Variants in STIM1 observed in about 807,000 individuals in gnomAD.
STIM1 encodes the protein stromal interaction molecule 1.
A neutral mutation model predicts 74.7 loss-of-function variants in STIM1; 25 were observed. The observed-to-expected ratio is 0.33, with a 90% CI of 0.24 to 0.47. STIM1 has a LOEUF of 0.47. Ranked by LOEUF, STIM1 falls within the 20% of genes least tolerant of loss-of-function variation. The pLI, the probability that STIM1 is intolerant of heterozygous loss-of-function variation, is 1.00. For missense variants in STIM1, 728 were observed against 920.8 expected, an observed-to-expected ratio of 0.79 and a Z score of 2.71; for synonymous variants, 328 against 348.8, an observed-to-expected ratio of 0.94 and a Z score of 0.66.
At chr11:3,917,394 CTT>C (rs1162006738) in intron 1 of STIM1, among the ~76,000 whole-genome samples, 1 of 150,156 alleles carries the variant, frequency 6.7e-6, no homozygotes, top group Non-Finnish European at 1.5e-5. Context: ...ACCTTAATGT[CTT>C]TGATTACAAA....
At chr11:3,921,612 T>C (rs1356209479) in intron 1 of STIM1, among the ~76,000 whole-genome samples, 1 of 152,218 alleles carries the variant, frequency 6.6e-6, no homozygotes, top group African/African-American at 2.4e-5. Context: ...TTTTAAAATA[T>C]GTCCACAAAT....
At chr11:3,886,435 T>C (rs2091705946) in intron 1 of STIM1, among the ~76,000 whole-genome samples, 1 of 152,132 alleles carries the variant, frequency 6.6e-6, no homozygotes, top group Admixed American at 6.5e-5. Flanking sequence ...ACGCCTGTCA[T>C]CCCAGCACTT....
At chr11:3,958,295 G>A (rs890630844) in intron 1 of STIM1, among the ~76,000 whole-genome samples, 2 of 152,066 alleles carry the variant, frequency 1.3e-5, no homozygotes, top group Non-Finnish European at 2.9e-5. Context: ...GATTGCTTGA[G>A]CCAGGAGTTT....
At chr11:3,900,340 C>G (rs968583173) in intron 1 of STIM1, among the ~76,000 whole-genome samples, 2 of 152,292 alleles carry the variant, frequency 1.3e-5, no homozygotes, top group African/African-American at 4.8e-5. Context: ...CGTCTGTCGT[C>G]CCTTTCTTTG....
intron 2 of STIM1, among the ~76,000 whole-genome samples, chr11:3,998,839 G>A (rs2093685577): frequency 6.6e-6 from 1 of 152,108 alleles, no homozygotes; most frequent in South Asian, 2.1e-4. Context: ...AAAATCTTGG[G>A]GGTATAAAAG....
intron 2 of STIM1, among the ~76,000 whole-genome samples, chr11:4,010,727 T>A (rs1332829822): frequency 2.0e-5 from 3 of 152,142 alleles, no homozygotes; most frequent in Non-Finnish European, 2.9e-5. Context: ...TTCTTTTTTT[T>A]ATTATTATAT....
Position 4,070,104 on chromosome 11 carries a change from A to G in STIM1, c.692A>G (p.Tyr231Cys), listed in dbSNP as rs765230033. The change falls in exon 6 of 13, where the codon TAT (tyrosine) becomes TGT (cysteine). Residue 231 changes from tyrosine (Y) to cysteine (C), a missense_variant. Physicochemically the swap from Tyr to Cys is radical, Grantham distance 194 (BLOSUM62 -2). Transcript: ENST00000526596. ...GGTGTGGGCGGCTGCTGGTTTGCCTATATCCAGAACCGTTACTCCAAGGAG... is the reference window on the plus strand; with the variant it reads ...GGTGTGGGCGGCTGCTGGTTTGCCTGTATCCAGAACCGTTACTCCAAGGAG... ...VIGVGGCWFAYIQNRYSKEHM... is the reference protein window; with the variant it reads ...VIGVGGCWFACIQNRYSKEHM... 2.5e-6 allele frequency: 4 copies of G among 1,614,176 alleles called. No homozygotes were observed. The highest frequency in any genetic ancestry group is 2.2e-5 in the East Asian group (1 of 44,874).
At chr11:4,033,708 G>A (rs111630717) in intron 3 of STIM1, among the ~76,000 whole-genome samples, 8,408 of 151,308 alleles carry the variant, frequency 0.056, 742 homozygotes, top group African/African-American at 0.19. Context: ...CCATTCTCCC[G>A]CCTCAGCCTC....
chr11:4,050,908 C>G (rs1312091518), intron 3 of STIM1, among the ~76,000 whole-genome samples: 3 of 151,942 alleles, frequency 2.0e-5, no homozygotes, highest in South Asian at 2.1e-4. Context: ...AATATATTTA[C>G]TGTTTATTAA....
intron 10 of STIM1, 151 bp downstream of exon 10, chr11:4,083,649 C>T: frequency 1.4e-6 from 1 of 739,304 alleles, no homozygotes; most frequent in Non-Finnish European, 2.3e-6. Context: ...ACAATTTACT[C>T]AGGTTATTTC....
chr11:3,967,134 T>G (rs1273074993), intron 1 of STIM1, among the ~76,000 whole-genome samples: 1 of 152,240 alleles, frequency 6.6e-6, no homozygotes, highest in East Asian at 1.9e-4. Context: ...AGAAAGATTA[T>G]GTTGATTTAC....
intron 2 of STIM1, among the ~76,000 whole-genome samples, chr11:4,020,595 T>C (rs1471627281): frequency 6.6e-6 from 1 of 152,046 alleles, no homozygotes; most frequent in Admixed American, 6.6e-5. Context: ...CTTTTTTTTT[T>C]CTTTTTTCTC....
At chr11:3,895,739 TCTTTCTTCCTTCCTTCCTTC>T (rs1370001137) in intron 1 of STIM1, among the ~76,000 whole-genome samples, 1 of 33,568 alleles carries the variant, frequency 3.0e-5, no homozygotes, top group African/African-American at 2.0e-4. Flanking sequence ...TCTTTCTTTT[TCTTTCTTCCTTCCTTCCTTC>T]CTTCCTTCCT....
rs1170570846 is a variant in STIM1 at position 3,856,097 on chromosome 11, TG to T, written c.-172del. ...CCAGCCCTCCTCCCGCACCCAAACTTGGAGCACTTGACCTTTGGCTGTTGGA... is the reference window on the plus strand; with the variant it reads ...CCAGCCCTCCTCCCGCACCCAAACTTGAGCACTTGACCTTTGGCTGTTGGA... On this transcript the variant is annotated 5_prime_UTR_variant, in exon 1 of 13. Coordinates refer to ENST00000526596, the MANE Select transcript of STIM1 (RefSeq NM_001382567.1). 2 of 766,864 alleles carry T rather than the reference TG, an allele frequency of 2.6e-6. No homozygotes were observed. Among genetic ancestry groups the T allele is most frequent in the Non-Finnish European group, 4.3e-6 (2 of 467,438 alleles). The allele number at this position is 766,864 out of a possible 1,614,324, so 47.5% of individuals were successfully genotyped here.
intron 1 of STIM1, among the ~76,000 whole-genome samples, chr11:3,961,719 A>T (rs1015878386): frequency 1.3e-5 from 2 of 152,072 alleles, no homozygotes; most frequent in African/African-American, 4.8e-5. Context: ...CATGTTGGTC[A>T]TGCTGGTCTT....
intron 5 of STIM1, among the ~76,000 whole-genome samples, chr11:4,062,928 A>G (rs2133123580): frequency 6.6e-6 from 1 of 152,340 alleles, no homozygotes; most frequent in South Asian, 2.1e-4. Context: ...ATCAGTCACT[A>G]AAAGGAATGA....
chr11:4,009,708 C>A (rs2093817721), intron 2 of STIM1, among the ~76,000 whole-genome samples: 1 of 152,000 alleles, frequency 6.6e-6, no homozygotes, highest in African/African-American at 2.4e-5. Context: ...GCAAATGCAA[C>A]CTCATGACAA....
At chr11:3,973,898 T>A (rs1011060634) in intron 2 of STIM1, 29 of 479,122 alleles carry the variant, frequency 6.1e-5, no homozygotes, top group African/African-American at 1.4e-4. Flanking sequence ...CAAATTTTTT[T>A]AAATTTAAAA....
intron 2 of STIM1, among the ~76,000 whole-genome samples, chr11:3,974,459 T>C (rs765041039): frequency 3.4e-5 from 5 of 148,192 alleles, no homozygotes; most frequent in Non-Finnish European, 4.4e-5. Context: ...GAGGATTGCT[T>C]GAGCCCAGGA....
Sources: allele counts gnomAD v4.1 joint callset (sites outside exome capture counted in the v4.1 genomes callset), GRCh38; gene constraint gnomAD v4.1.1; transcripts MANE v1.5; gene names NCBI Gene and HGNC (gene_info 2026-07-23, HGNC 2026-07-21).